Variants in RAB33A observed in about 807,000 individuals in gnomAD.
RAB33A encodes the protein RAB33A, member RAS oncogene family.
RAB33A carries 6 observed loss-of-function variants against 12.0 expected under a neutral mutation model. The observed-to-expected ratio is 0.50, with a 90% CI of 0.27 to 0.99. RAB33A has a LOEUF of 0.99. Ranked by LOEUF, RAB33A falls within the 50% of genes least tolerant of loss-of-function variation. RAB33A has a pLI of 0.11. For synonymous variants in RAB33A, 70 were observed against 82.4 expected (o/e 0.85, Z 0.81); for missense variants, 109 against 192.0 (o/e 0.57, Z 2.55).
At chrX:130,136,291 C>A in the RAB33A span, 1 of 964,804 alleles carries the variant, frequency 1.0e-6, no homozygotes. Context: ...TTTAAAAAAT[C>A]ATGGGTTAAC....
chrX:130,115,215 T>G, the RAB33A span, among the ~76,000 whole-genome samples: 1 of 111,903 alleles, frequency 8.9e-6, no homozygotes, highest in African/African-American at 3.3e-5. Flanking sequence ...CTTAACTCCT[T>G]GTCCTCAGCA....
the RAB33A span, among the ~76,000 whole-genome samples, chrX:130,130,805 G>A: frequency 8.9e-6 from 1 of 112,023 alleles, no homozygotes; most frequent in Admixed American, 9.5e-5. Context: ...AGAGAAAGAG[G>A]GGAAGGGAAG....
rs924171577 is a variant in RAB33A at position 130,182,652 on chromosome X, T to C, written c.259-1633T>C. Among the ~76,000 whole-genome samples the C allele has an allele frequency of 8.3e-5, 9 of 108,819 alleles. No homozygotes were observed. In the Middle Eastern group the frequency reaches 0.014, roughly 171 times the overall value. 94.5% of individuals were successfully genotyped at this position (108,819 alleles called of 115,157 possible). ...GCCTGTAATGCCAGCTACTCAGGAG[T>C]CTGAGGTGGGAGAATTGCTTGAACC... On this transcript the variant is annotated intron_variant, in intron 1 of 1. Coordinates refer to ENST00000257017, the MANE Select transcript of RAB33A (RefSeq NM_004794.3).
At chrX:130,127,691 C>CTTT in the RAB33A span, among the ~76,000 whole-genome samples, 3 of 77,036 alleles carry the variant, frequency 3.9e-5, no homozygotes, top group African/African-American at 1.2e-4. Flanking sequence ...ATGAGTTTTC[C>CTTT]TTTTTTTTTT....
At chrX:130,178,931 C>T (rs1038085680) in intron 1 of RAB33A, among the ~76,000 whole-genome samples, 2 of 106,100 alleles carry the variant, frequency 1.9e-5, no homozygotes, top group Non-Finnish European at 3.9e-5. Flanking sequence ...GGATTACAGG[C>T]GTGAGCCACC....
chrX:130,132,872 G>A, the RAB33A span, among the ~76,000 whole-genome samples: 1 of 108,289 alleles, frequency 9.2e-6, no homozygotes. Flanking sequence ...TCAGCCTACC[G>A]AGTAGCTGGG....
the RAB33A span, among the ~76,000 whole-genome samples, chrX:130,161,243 T>A: frequency 9.0e-6 from 1 of 111,024 alleles, no homozygotes; most frequent in Non-Finnish European, 1.9e-5. Flanking sequence ...CCAGGTGCGG[T>A]GGCTCACACT....
upstream of RAB33A, among the ~76,000 whole-genome samples, chrX:130,168,089 A>T (rs2031562378): frequency 9.2e-6 from 1 of 108,358 alleles, no homozygotes; most frequent in African/African-American, 3.4e-5. Context: ...AGATGGGAGG[A>T]TCACTTGAGC....
the RAB33A span, among the ~76,000 whole-genome samples, chrX:130,154,184 T>C: frequency 8.9e-6 from 1 of 112,141 alleles, no homozygotes; most frequent in South Asian, 3.6e-4. Flanking sequence ...CAGAGTACAA[T>C]GAGGCATTTA....
At chrX:130,146,078 A>G in the RAB33A span, among the ~76,000 whole-genome samples, 13 of 111,927 alleles carry the variant, frequency 1.2e-4, no homozygotes, top group Non-Finnish European at 2.1e-4. Context: ...ACAACTAATT[A>G]TAGCTCCTGA....
At chrX:130,113,776 G>C in the RAB33A span, among the ~76,000 whole-genome samples, 19 of 111,828 alleles carry the variant, frequency 1.7e-4, no homozygotes, top group East Asian at 3.6e-3. Context: ...GCACCCTGTA[G>C]TGTTATCAGG....
the RAB33A span, chrX:130,165,813 C>T: frequency 1.9e-6 from 1 of 531,382 alleles, no homozygotes; most frequent in Non-Finnish European, 3.3e-6. Flanking sequence ...GACAGAGAAG[C>T]CGGCCTGCTA....
the RAB33A span, among the ~76,000 whole-genome samples, chrX:130,153,377 C>A: frequency 3.0e-5 from 3 of 98,945 alleles, no homozygotes; most frequent in Non-Finnish European, 2.0e-5. Context: ...AAAAAAAAGT[C>A]GGCAGTTTAC....
At chrX:130,166,891 A>G in the RAB33A span, among the ~76,000 whole-genome samples, 1 of 112,164 alleles carries the variant, frequency 8.9e-6, no homozygotes, top group South Asian at 3.6e-4. Flanking sequence ...TATTAAATGC[A>G]GTTTCGACTT....
At chrX:130,132,987 C>T in the RAB33A span, among the ~76,000 whole-genome samples, 5 of 111,250 alleles carry the variant, frequency 4.5e-5, no homozygotes, top group African/African-American at 1.6e-4. Flanking sequence ...CCTCGTGATC[C>T]GCCCACCTCG....
the RAB33A span, among the ~76,000 whole-genome samples, chrX:130,153,200 A>T: frequency 4.4e-5 from 4 of 91,078 alleles, no homozygotes; most frequent in African/African-American, 1.7e-4. Flanking sequence ...AAAAAAAAAA[A>T]TTAGCCGGGC....
chrX:130,171,904 C>G, upstream of RAB33A: 1 of 598,883 alleles, frequency 1.7e-6, no homozygotes, highest in South Asian at 3.4e-5. Context: ...CACGCGCGCG[C>G]GCGCACACGG....
chrX:130,129,873 C>G, the RAB33A span: 2 of 1,048,514 alleles, frequency 1.9e-6, no homozygotes, highest in Non-Finnish European at 2.7e-6. Context: ...TTTGACCTGG[C>G]CGGGGGACAA....
the RAB33A span, among the ~76,000 whole-genome samples, chrX:130,119,458 G>A: frequency 2.7e-5 from 3 of 112,128 alleles, no homozygotes; most frequent in South Asian, 3.7e-4. Flanking sequence ...AGAAGCCAGC[G>A]CCGTGGCATC....
Sources: gnomAD v4.1 joint callset for allele counts (sites outside exome capture counted in the v4.1 genomes callset) on GRCh38, gnomAD v4.1.1 for gene constraint, MANE v1.5 for transcripts, NCBI Gene and HGNC (gene_info 2026-07-23, HGNC 2026-07-21) for gene names.